MCPH1: variants seen among roughly 807,000 people sequenced by gnomAD.
MCPH1 encodes the protein microcephalin.
Under a neutral mutation model 84.5 loss-of-function variants are expected in MCPH1, and 104 were observed. The observed-to-expected ratio is 1.23, with a 90% CI of 1.05 to 1.45. The LOEUF is 1.45. MCPH1 is among the 40% of genes most tolerant of loss of function. The pLI is 0.00. For missense variants in MCPH1, 1,498 were observed against 1,005.7 expected (o/e 1.49, Z -6.62); for synonymous variants, 514 against 366.8 (o/e 1.40, Z -4.58).
At chr8:6,606,842 T>C (rs1829815404) in intron 12 of MCPH1, among the ~76,000 whole-genome samples, 1 of 152,170 alleles carries the variant, frequency 6.6e-6, no homozygotes, top group Admixed American at 6.6e-5. Context: ...GCTGATGGTT[T>C]CATAAGGGGG....
chr8:6,560,082 A>C (rs939660839), intron 12 of MCPH1, among the ~76,000 whole-genome samples: 10 of 152,204 alleles, frequency 6.6e-5, no homozygotes, highest in African/African-American at 2.2e-4. Context: ...ATTTGCCCTA[A>C]AATGAACCAG....
chr8:6,538,544 G>A lies in MCPH1; in HGVS notation c.2214+38615G>A, dbSNP rs149964944. On this transcript the variant is annotated intron_variant, in intron 12 of 13. Transcript: ENST00000344683. ...GATCTTGTGGGCCTCAGACCTGGGC[G>A]CGCACTGTCCTTGGCTGTCCCAGCT... Among the ~76,000 whole-genome samples the A allele has an allele frequency of 7.6e-4, 115 of 152,220 alleles. 1 individual carries two copies. The highest frequency in any genetic ancestry group is 2.5e-3 in the African/African-American group (105 of 41,534).
At position 6,510,236 on chromosome 8, in the gene MCPH1, A is replaced by G. The variant is rs116055180; in HGVS notation, c.2214+10307A>G. 3.0e-3 allele frequency among the ~76,000 whole-genome samples: 450 copies of G among 151,972 alleles called. 2 individuals carry two copies. The highest frequency in any genetic ancestry group is 0.011 in the African/African-American group (438 of 41,416). On this transcript the variant is annotated intron_variant, in intron 12 of 13. Coordinates refer to ENST00000344683, the MANE Select transcript of MCPH1 (RefSeq NM_024596.5). ...AGCTTCTTGGCAGATGGTTCAGGAC[A>G]GATCAGAGCAGGCATTCACGTAATG...
intron 9 of MCPH1, among the ~76,000 whole-genome samples, chr8:6,456,537 C>A (rs1805698610): frequency 6.6e-6 from 1 of 152,204 alleles, no homozygotes; most frequent in African/African-American, 2.4e-5. Context: ...CGTCGCATGG[C>A]ACCACAGCTC....
chr8:6,572,544 A>T (rs917449091), intron 12 of MCPH1, among the ~76,000 whole-genome samples: 2 of 152,252 alleles, frequency 1.3e-5, no homozygotes, highest in Admixed American at 1.3e-4. Flanking sequence ...TTTTAATTTT[A>T]ATGCAAAAGC....
At chr8:6,581,387 T>C (rs776673702) in intron 12 of MCPH1, among the ~76,000 whole-genome samples, 1 of 152,216 alleles carries the variant, frequency 6.6e-6, no homozygotes, top group Non-Finnish European at 1.5e-5. Context: ...AAATCCAATG[T>C]CCCTATGCTA....
At chr8:6,409,160 A>T in intron 1 of MCPH1, 119 bp from the exon 2 acceptor site, 1 of 830,980 alleles carries the variant, frequency 1.2e-6, no homozygotes, top group South Asian at 1.4e-5. Context: ...TGCTGGGATT[A>T]CAGGCGTGAG....
chr8:6,544,923 T>C (rs968852974), intron 12 of MCPH1, among the ~76,000 whole-genome samples: 18 of 152,248 alleles, frequency 1.2e-4, no homozygotes, highest in African/African-American at 4.1e-4. Flanking sequence ...ACTAGTTTTG[T>C]TCTCACAATG....
At chr8:6,428,262 TAAAA>T (rs61532349) in intron 3 of MCPH1, among the ~76,000 whole-genome samples, 108,301 of 151,524 alleles carry the variant, frequency 0.71, 40,886 homozygotes, top group Non-Finnish European at 0.82. Context: ...CTTTTAAACT[TAAAA>T]AAAACTAGGA....
At chr8:6,474,337 C>G (rs1388352527) in intron 9 of MCPH1, 2 of 433,750 alleles carry the variant, frequency 4.6e-6, no homozygotes, top group Middle Eastern at 6.5e-4. Context: ...CTTTCTATGA[C>G]ACGTTTCTAT....
At chr8:6,506,487 C>T (rs377627747) in intron 12 of MCPH1, among the ~76,000 whole-genome samples, 8 of 152,284 alleles carry the variant, frequency 5.3e-5, no homozygotes, top group African/African-American at 1.7e-4. Flanking sequence ...TCCTGAGAAG[C>T]TCAGCACATA....
In MCPH1 at chr8:6,576,682, ATTTTTTTTTTTTTTTTTTTTTTTTTTTT is replaced by A. The variant is rs58486084; in HGVS notation, c.2215-44754_2215-44727del. Among the ~76,000 whole-genome samples the A allele has an allele frequency of 8.0e-4, 34 of 42,348 alleles. 1 individual carries two copies. Among genetic ancestry groups the A allele is most frequent in the Admixed American group, 3.8e-3 (10 of 2,624 alleles). 27.8% of individuals were successfully genotyped at this position (42,348 alleles called of 152,430 possible). A position where few individuals can be genotyped will look rare whatever the true frequency, so the allele number is the denominator to read the frequency against. ...GCCACCACGCTCTGCTAATTTTTGT[ATTTTTTTTTTTTTTTTTTTTTTTTTTTT>A]TTTTTTTTTTTTTTTTTAGTAGAGA... On this transcript the variant is annotated intron_variant, in intron 12 of 13. Transcript: ENST00000344683.
intron 12 of MCPH1, among the ~76,000 whole-genome samples, chr8:6,566,544 C>T (rs1257528152): frequency 1.3e-5 from 2 of 152,178 alleles, no homozygotes; most frequent in African/African-American, 2.4e-5. Flanking sequence ...TCGGCATGGC[C>T]ATTAACAGGG....
At chr8:6,561,824 C>T (rs116956286) in intron 12 of MCPH1, among the ~76,000 whole-genome samples, 1,716 of 152,192 alleles carry the variant, frequency 0.011, 16 homozygotes, top group Middle Eastern at 0.034. Flanking sequence ...TTTCAATATC[C>T]TATTTTGGTT....
At chr8:6,408,987 G>C (rs1798152725) in intron 1 of MCPH1, among the ~76,000 whole-genome samples, 1 of 151,902 alleles carries the variant, frequency 6.6e-6, no homozygotes, top group Non-Finnish European at 1.5e-5. Context: ...CCGGGTTCAA[G>C]TGATTCTCCT....
rs142634497 is a variant in MCPH1 at position 6,645,819 on chromosome 8, C to T, written c.*2770C>T. The T allele has an allele frequency of 7.2e-5, 11 of 152,178 alleles. No homozygotes were observed. Among genetic ancestry groups the T allele is most frequent in the African/African-American group, 1.2e-4 (5 of 41,532 alleles). The allele number at this position is 152,178 out of a possible 1,614,324, so 9.4% of individuals were successfully genotyped here. ...AACAAAATAGGAATAGACTTGGCAA[C>T]AGTTGTAACATCTGTATACTGAAAC... On this transcript the variant is annotated 3_prime_UTR_variant, in exon 14 of 14. Coordinates refer to ENST00000344683, the MANE Select transcript of MCPH1 (RefSeq NM_024596.5).
intron 12 of MCPH1, among the ~76,000 whole-genome samples, chr8:6,614,337 G>T (rs992547495): frequency 3.9e-5 from 6 of 152,174 alleles, no homozygotes; most frequent in African/African-American, 1.4e-4. Flanking sequence ...TGCGTGGTGA[G>T]GGGCCTGCCT....
chr8:6,475,039 C>G (rs1356675851), intron 9 of MCPH1, among the ~76,000 whole-genome samples: 1 of 152,130 alleles, frequency 6.6e-6, no homozygotes. Context: ...TCCTTAATTT[C>G]TGGGAATTTT....
intron 12 of MCPH1, among the ~76,000 whole-genome samples, chr8:6,601,801 A>C (rs1178597494): frequency 6.6e-6 from 1 of 152,046 alleles, no homozygotes; most frequent in Admixed American, 6.6e-5. Context: ...CACACCACAC[A>C]CACACAAGCC....
Sources: gnomAD v4.1 joint callset for allele counts (sites outside exome capture counted in the v4.1 genomes callset) on GRCh38, gnomAD v4.1.1 for gene constraint, MANE v1.5 for transcripts, NCBI Gene and HGNC (gene_info 2026-07-23, HGNC 2026-07-21) for gene names.